EMX1: variants seen among roughly 807,000 people sequenced by gnomAD.
The protein encoded by EMX1 is empty spiracles homeobox 1.
In EMX1, 10 loss-of-function variants were observed where a neutral mutation model predicts 20.1. The observed-to-expected ratio is 0.50, with a 90% confidence interval of 0.31 to 0.84. The LOEUF (loss-of-function observed/expected upper bound fraction) is 0.84, where lower values mean the gene tolerates loss of function less well. Among genes scored for constraint, EMX1 ranks in the 40% least tolerant of loss-of-function variants. EMX1 has a pLI of 0.05. For missense variants in EMX1, 424 were observed against 431.9 expected, an observed-to-expected ratio of 0.98 and a Z score of 0.16; for synonymous variants, 250 against 200.4, an observed-to-expected ratio of 1.25 and a Z score of -2.09.
chr2:72,926,046 T>TTTTTGTTTGAAA (rs1671194890), intron 2 of EMX1: 22 of 985,062 alleles, frequency 2.2e-5, no homozygotes, highest in Admixed American at 6.1e-5. Flanking sequence ...AAACAAGGTG[T>TTTTTGTTTGAAA]CAGTTTAAGA....
intron 2 of EMX1, among the ~76,000 whole-genome samples, chr2:72,927,226 T>A (rs1467155688): frequency 6.6e-6 from 1 of 152,262 alleles, no homozygotes. Flanking sequence ...CTTCTGTGTT[T>A]CCACCATTCA....
intron 1 of EMX1, among the ~76,000 whole-genome samples, chr2:72,919,591 CTT>C (rs1291339999): frequency 1.3e-5 from 2 of 152,316 alleles, no homozygotes; most frequent in East Asian, 3.9e-4. Context: ...TCTCTTGACA[CTT>C]TGACTTTCAC....
intron 1 of EMX1, among the ~76,000 whole-genome samples, chr2:72,922,527 C>T (rs1220478734): frequency 6.6e-6 from 1 of 152,222 alleles, no homozygotes; most frequent in African/African-American, 2.4e-5. Flanking sequence ...GATGTGGTCC[C>T]ACCATTTTTG....
chr2:72,918,578 T>TGGAGAC (rs1025865556), intron 1 of EMX1, among the ~76,000 whole-genome samples: 2 of 152,222 alleles, frequency 1.3e-5, no homozygotes, highest in African/African-American at 4.8e-5. Flanking sequence ...GGAAAGCAGG[T>TGGAGAC]GGAGACCTCC....
At chr2:72,919,180 TACACACACACACACACACACACAC>T (rs70963149) in intron 1 of EMX1, among the ~76,000 whole-genome samples, 2 of 142,542 alleles carry the variant, frequency 1.4e-5, no homozygotes, top group Non-Finnish European at 3.1e-5. Flanking sequence ...CCACTGGCCC[TACACACACACACACACACACACAC>T]ACACACACAC....
rs1671101950 is a variant in EMX1 at position 72,921,394 on chromosome 2, C to T, written c.521-2915C>T. On this transcript the variant is annotated intron_variant, in intron 1 of 2. Transcript: ENST00000258106. ...GCGTCCAAACAGGCCGCACCCTAGA[C>T]CCAAGTTTGTTCTGCCCTTGTGGTC... 2.0e-5 allele frequency among the ~76,000 whole-genome samples: 3 copies of T among 152,312 alleles called. No homozygotes were observed. The South Asian group carries it at 6.2e-4, about 32-fold the overall frequency.
chr2:72,917,149 C>A, upstream of EMX1: 1 of 612,674 alleles, frequency 1.6e-6, no homozygotes, highest in Non-Finnish European at 3.0e-6. Flanking sequence ...CATCCACCCT[C>A]CGCTCGGATC....
intron 2 of EMX1, 117 bp downstream of exon 2, chr2:72,924,610 G>A (rs1326159031): frequency 3.2e-6 from 4 of 1,255,034 alleles, no homozygotes; most frequent in Non-Finnish European, 3.2e-6. Flanking sequence ...GTTCCAAAAG[G>A]CCCCCATTCC....
rs1671030823 is a variant in EMX1, at chr2:72,918,309, C to A, written c.457C>A (p.Arg153=). 1.9e-6 allele frequency: 3 copies of A among 1,569,260 alleles called. No individual in the cohort carries two copies. The Admixed American group carries it at 5.4e-5, about 28-fold the overall frequency. ...PPHSFFGAQH[R]DPLHFYPWVL... The stretch of plus-strand genomic sequence containing the variant: ...GCACTCCTTCTTCGGCGCCCAGCAC[C>A]GGGACCCTCTCCATTTCTACCCCTG... The change falls in exon 1 of 3, where the codon CGG becomes AGG. Residue 153 remains arginine, a synonymous_variant. Transcript: ENST00000258106.
At chr2:72,917,389 T>C, upstream of EMX1, 1 of 256,282 alleles carries the variant, frequency 3.9e-6, no homozygotes, top group Non-Finnish European at 7.4e-6. Context: ...CCGCGAAGGC[T>C]CCAGTCCGGC....
chr2:72,925,282 T>C (rs1559059913), intron 2 of EMX1, among the ~76,000 whole-genome samples: 1 of 152,220 alleles, frequency 6.6e-6, no homozygotes, highest in Non-Finnish European at 1.5e-5. Flanking sequence ...AATTAACAAT[T>C]ACCGTGTAGT....
chr2:72,917,843 G>C lies in EMX1; in HGVS notation c.-10G>C. ...CGGGCGGGGGAGGTGAGGGGTGCGG[G>C]CGGGTGTGCATGTGCCTGGCTGGGT... is the stretch of plus-strand genomic sequence containing the variant. On this transcript the variant is annotated 5_prime_UTR_variant, in exon 1 of 3. Transcript: ENST00000258106. The C allele has an allele frequency of 7.1e-7, 1 of 1,399,500 alleles. No homozygotes were observed. The highest frequency in any genetic ancestry group is 9.3e-7 in the Non-Finnish European group (1 of 1,080,504). The allele number at this position is 1,399,500 out of a possible 1,614,324, so 86.7% of individuals were successfully genotyped here.
chr2:72,929,849 G>A (rs374933592), intron 2 of EMX1, among the ~76,000 whole-genome samples: 1 of 152,252 alleles, frequency 6.6e-6, no homozygotes, highest in African/African-American at 2.4e-5. Context: ...CAGTCCTCTA[G>A]CAAACTGATA....
At chr2:72,920,402 G>C (rs1037530174) in intron 1 of EMX1, among the ~76,000 whole-genome samples, 35 of 152,240 alleles carry the variant, frequency 2.3e-4, no homozygotes, top group African/African-American at 7.5e-4. Flanking sequence ...TTCGGACCCG[G>C]AAATCCGTTG....
upstream of EMX1, chr2:72,916,757 C>G (rs1009225324): frequency 1.4e-4 from 99 of 717,274 alleles, no homozygotes; most frequent in Admixed American, 1.9e-3. Context: ...TCCGGCCCGC[C>G]GACACTTGAG....
chr2:72,931,292 C>A (rs1671275886), intron 2 of EMX1, among the ~76,000 whole-genome samples: 1 of 152,234 alleles, frequency 6.6e-6, no homozygotes, highest in African/African-American at 2.4e-5. Context: ...TGGGCCCGTC[C>A]CACTACAGGC....
At chr2:72,926,999 C>T (rs1049392797) in intron 2 of EMX1, among the ~76,000 whole-genome samples, 1 of 152,156 alleles carries the variant, frequency 6.6e-6, no homozygotes, top group African/African-American at 2.4e-5. Flanking sequence ...CCCTGCCATG[C>T]ATTTCTACTG....
Position 72,930,365 on chromosome 2 carries a change from G to A in EMX1, c.706-3422G>A, listed in dbSNP as rs1001594889. Among the ~76,000 whole-genome samples the A allele has an allele frequency of 9.2e-5, 14 of 152,340 alleles. No homozygotes were observed. Among genetic ancestry groups the A allele is most frequent in the Non-Finnish European group, 1.5e-4 (10 of 68,028 alleles). On this transcript the variant is annotated intron_variant, in intron 2 of 2. Coordinates refer to ENST00000258106, the MANE Select transcript of EMX1 (RefSeq NM_004097.3). The surrounding 1 kb of genome is among the most constrained non-coding windows in gnomAD (Gnocchi z 4.4). Reference sequence around the variant, plus strand: ...CAGGTGATGGGGCAGGACCATTAAGGAACATCAGGACAGGGTCTTGAAGGC... The same window carrying A: ...CAGGTGATGGGGCAGGACCATTAAGAAACATCAGGACAGGGTCTTGAAGGC...
chr2:72,933,661 G>A (rs984026355), intron 2 of EMX1, 126 bp from the exon 3 acceptor site: 9 of 1,301,022 alleles, frequency 6.9e-6, no homozygotes, highest in Admixed American at 5.4e-5. Context: ...CCGGCCTGGG[G>A]CCCCTAACCC....
Sources: gnomAD v4.1 joint callset for allele counts (sites outside exome capture counted in the v4.1 genomes callset) on GRCh38, gnomAD v4.1.1 for gene constraint, Gnocchi (gnomAD v3.1) non-coding constraint, MANE v1.5 for transcripts, NCBI Gene and HGNC (gene_info 2026-07-23, HGNC 2026-07-21) for gene names.